CTNNA3: variants seen among roughly 807,000 people sequenced by gnomAD.
CTNNA3 encodes the protein catenin alpha 3, also known as catenin alpha-3.
In CTNNA3, 76 loss-of-function variants were observed where a neutral mutation model predicts 95.7. The observed-to-expected ratio is 0.79, with a 90% CI of 0.66 to 0.96. CTNNA3 has a LOEUF of 0.96. Among genes scored for constraint, CTNNA3 ranks in the 40% least tolerant of loss-of-function variants. The probability of loss-of-function intolerance (pLI) is 0.00; values close to 1 mark genes in which losing one functional copy is unlikely to be tolerated. For missense variants in CTNNA3, 1,191 were observed against 1,089.8 expected (o/e 1.09, Z -1.31); for synonymous variants, 431 against 374.4 (o/e 1.15, Z -1.74).
intron 10 of CTNNA3, among the ~76,000 whole-genome samples, chr10:66,522,839 T>C (rs143477103): frequency 6.6e-6 from 1 of 151,992 alleles, no homozygotes; most frequent in African/African-American, 2.4e-5. Context: ...AATTTTTTCA[T>C]AAAACACATT....
chr10:66,611,981 A>T (rs150832053), intron 10 of CTNNA3, among the ~76,000 whole-genome samples: 1 of 152,140 alleles, frequency 6.6e-6, no homozygotes, highest in African/African-American at 2.4e-5. Context: ...ATTTTCTATC[A>T]TCTCAACCTG....
intron 1 of CTNNA3, among the ~76,000 whole-genome samples, chr10:67,668,510 A>G (rs145233730): frequency 1.2e-3 from 180 of 152,352 alleles, no homozygotes; most frequent in African/African-American, 4.1e-3. Flanking sequence ...TAGAGCAATT[A>G]TAACAATATG....
intron 12 of CTNNA3, among the ~76,000 whole-genome samples, chr10:66,295,787 A>G (rs1004596992): frequency 3.3e-5 from 5 of 152,194 alleles, no homozygotes; most frequent in Admixed American, 3.3e-4. Context: ...TCAGCACATC[A>G]TCTCTGAACA....
chr10:67,711,666 C>G (rs1352050257), intron 1 of CTNNA3, among the ~76,000 whole-genome samples: 2 of 151,652 alleles, frequency 1.3e-5, no homozygotes. Context: ...ATGTGCCATG[C>G]TGGTGCGCTG....
At chr10:67,502,263 A>T (rs1341662464) in intron 5 of CTNNA3, among the ~76,000 whole-genome samples, 1 of 151,916 alleles carries the variant, frequency 6.6e-6, no homozygotes, top group East Asian at 1.9e-4. Flanking sequence ...CTGGGGGTCC[A>T]CTCCAGACCC....
intron 11 of CTNNA3, among the ~76,000 whole-genome samples, chr10:66,395,440 G>A (rs893275820): frequency 1.1e-4 from 17 of 152,042 alleles, no homozygotes; most frequent in African/African-American, 4.1e-4. Flanking sequence ...AAAATATTCT[G>A]TATCACCCTG....
At chr10:67,071,330 G>GT (rs10688142) in intron 7 of CTNNA3, among the ~76,000 whole-genome samples, 17,610 of 140,320 alleles carry the variant, frequency 0.13, 1,540 homozygotes, top group African/African-American at 0.24. Flanking sequence ...TGTATTTTGG[G>GT]TTTTTTTTTT....
chr10:66,901,345 C>G (rs1322676976), intron 7 of CTNNA3, among the ~76,000 whole-genome samples: 1 of 152,126 alleles, frequency 6.6e-6, no homozygotes, highest in African/African-American at 2.4e-5. Flanking sequence ...TTGTCACCAC[C>G]AGGTCTGCCT....
chr10:67,592,921 A>G (rs984671495), intron 3 of CTNNA3, among the ~76,000 whole-genome samples: 1 of 152,194 alleles, frequency 6.6e-6, no homozygotes, highest in Non-Finnish European at 1.5e-5. Context: ...TCACCCAGGT[A>G]GTAAGCACAG....
chr10:66,257,253 A>G (rs2090823642), intron 13 of CTNNA3, among the ~76,000 whole-genome samples: 1 of 152,220 alleles, frequency 6.6e-6, no homozygotes, highest in African/African-American at 2.4e-5. Flanking sequence ...AATGTTCTTC[A>G]TAGATACAGG....
chr10:66,098,154 A>C (rs2126598), intron 14 of CTNNA3: 1 of 152,026 alleles, frequency 6.6e-6, no homozygotes, highest in African/African-American at 2.4e-5. Flanking sequence ...AAATACATCT[A>C]ATTTTAAGGT....
intron 13 of CTNNA3, among the ~76,000 whole-genome samples, chr10:66,207,898 AT>A (rs2087866075): frequency 1.3e-5 from 2 of 152,166 alleles, no homozygotes; most frequent in African/African-American, 2.4e-5. Flanking sequence ...AATAAAAAAA[AT>A]ATTGTGCTGT....
intron 7 of CTNNA3, among the ~76,000 whole-genome samples, chr10:66,780,874 T>G (rs1840506622): frequency 6.6e-6 from 1 of 152,186 alleles, no homozygotes; most frequent in East Asian, 1.9e-4. Flanking sequence ...TGTCCTAAAT[T>G]GTTTCTATAT....
At chr10:66,644,757 T>C (rs866618676) in intron 9 of CTNNA3, among the ~76,000 whole-genome samples, 54 of 152,160 alleles carry the variant, frequency 3.5e-4, no homozygotes, top group African/African-American at 1.3e-3. Flanking sequence ...TTTCTTAGTG[T>C]GGTATGGGTG....
chr10:65,959,904 A>G (rs1027948966), intron 17 of CTNNA3, among the ~76,000 whole-genome samples: 1 of 152,138 alleles, frequency 6.6e-6, no homozygotes, highest in African/African-American at 2.4e-5. Context: ...AGGTTCCAAG[A>G]TCCAGACAAT....
chr10:66,690,848 T>A (rs928215333), intron 9 of CTNNA3, among the ~76,000 whole-genome samples: 2 of 152,190 alleles, frequency 1.3e-5, no homozygotes, highest in African/African-American at 4.8e-5. Context: ...AGTAATGGGA[T>A]GGCTGGGTCA....
intron 5 of CTNNA3, among the ~76,000 whole-genome samples, chr10:67,446,066 G>A (rs910028610): frequency 1.3e-5 from 2 of 152,064 alleles, no homozygotes; most frequent in African/African-American, 4.8e-5. Context: ...TTCAACAAAC[G>A]CGAGATACAG....
At chr10:67,558,907 A>G (rs1192939335) in intron 3 of CTNNA3, among the ~76,000 whole-genome samples, 2 of 152,214 alleles carry the variant, frequency 1.3e-5, no homozygotes, top group Non-Finnish European at 2.9e-5. Context: ...GCTGAGATCA[A>G]ACTGCAAGGT....
At chr10:67,269,459 A>G (rs1397847294) in intron 5 of CTNNA3, among the ~76,000 whole-genome samples, 1 of 152,138 alleles carries the variant, frequency 6.6e-6, no homozygotes, top group African/African-American at 2.4e-5. Context: ...GTGAACATTC[A>G]ATATTTTGTG....
Sources: gnomAD v4.1 joint callset for allele counts (sites outside exome capture counted in the v4.1 genomes callset) on GRCh38, gnomAD v4.1.1 for gene constraint, MANE v1.5 for transcripts, NCBI Gene and HGNC (gene_info 2026-07-23, HGNC 2026-07-21) for gene names.